Variants in CTDSPL observed in about 807,000 individuals in gnomAD.
The protein encoded by CTDSPL is CTD small phosphatase like.
A neutral mutation model predicts 30.5 loss-of-function variants in CTDSPL; 8 were observed. The ratio of observed to expected loss-of-function variants is 0.26; its 90% CI spans 0.15 to 0.47. CTDSPL has a LOEUF of 0.47. Among genes scored for constraint, CTDSPL ranks in the 20% least tolerant of loss-of-function variants. CTDSPL has a pLI of 0.99. For synonymous variants in CTDSPL, 110 were observed against 137.9 expected (o/e 0.80, Z 1.42); for missense variants, 248 against 366.1 (o/e 0.68, Z 2.63).
At chr3:37,880,361 A>G (rs953935699) in intron 1 of CTDSPL, among the ~76,000 whole-genome samples, 15 of 149,348 alleles carry the variant, frequency 1.0e-4, no homozygotes, top group Non-Finnish European at 2.9e-5. Context: ...AAGCCCTTTC[A>G]TAGTATTTGG....
chr3:37,905,074 G>A (rs1190263479), intron 1 of CTDSPL, among the ~76,000 whole-genome samples: 1 of 151,976 alleles, frequency 6.6e-6, no homozygotes, highest in Admixed American at 6.6e-5. Flanking sequence ...TCAAACACGG[G>A]GACTCAGAAA....
At chr3:37,872,276 A>T (rs145910063) in intron 1 of CTDSPL, among the ~76,000 whole-genome samples, 145 of 152,216 alleles carry the variant, frequency 9.5e-4, no homozygotes, top group African/African-American at 3.3e-3. Context: ...TAAAATCTTT[A>T]TCAGATAAGT....
At chr3:37,951,110 G>A (rs914460494) in intron 2 of CTDSPL, among the ~76,000 whole-genome samples, 4 of 152,144 alleles carry the variant, frequency 2.6e-5, no homozygotes, top group African/African-American at 9.7e-5. Flanking sequence ...GCTCATTCCC[G>A]TAATCCCAGC....
chr3:37,936,476 T>C (rs1698916748), intron 1 of CTDSPL, among the ~76,000 whole-genome samples: 1 of 152,062 alleles, frequency 6.6e-6, no homozygotes, highest in Non-Finnish European at 1.5e-5. Flanking sequence ...GACCACTCTT[T>C]CAGGGTGGGA....
rs182572443 is a variant in CTDSPL at position 37,870,270 on chromosome 3, T to C, written c.79+7992T>C. 4.3e-3 allele frequency among the ~76,000 whole-genome samples: 650 copies of C among 152,230 alleles called. 23 individuals carry two copies. The South Asian group carries it at 0.077, about 18-fold the overall frequency. ...AGCTATTTAAATTATCTCTTTCAGA[T>C]TGGGCAACTTGGGTAGTTTTTTGTT... On this transcript the variant is annotated intron_variant, in intron 1 of 7. Transcript: ENST00000273179.
chr3:37,970,303 C>G (rs1699352438), intron 5 of CTDSPL, among the ~76,000 whole-genome samples: 1 of 152,174 alleles, frequency 6.6e-6, no homozygotes, highest in Non-Finnish European at 1.5e-5. Context: ...TAATTTATCC[C>G]TCTACTACAA....
At chr3:37,959,929 C>T (rs139346910) in intron 3 of CTDSPL, among the ~76,000 whole-genome samples, 5 of 152,278 alleles carry the variant, frequency 3.3e-5, no homozygotes, top group Admixed American at 1.3e-4. Context: ...TCAGGCCAGG[C>T]GCAGTGGCTC....
In CTDSPL at chr3:37,967,759, C is replaced by T. The variant is rs565843010; in HGVS notation, c.370-67C>T. ...AACATTGGTCTAGGCAGGCTTTTTT[C>T]TTGCTAAAATTTCCAGAGTTTTTTT... is the stretch of plus-strand genomic sequence containing the variant. On this transcript the variant is annotated intron_variant, in intron 4 of 7. Transcript: ENST00000273179. 5.8e-6 allele frequency: 7 copies of T among 1,209,848 alleles called. No homozygotes were observed. In the African/African-American group the frequency reaches 9.3e-5, roughly 16 times the overall value. The allele number at this position is 1,209,848 out of a possible 1,614,324, so 74.9% of individuals were successfully genotyped here. A position where few individuals can be genotyped will look rare whatever the true frequency, so the allele number is the denominator to read the frequency against.
intron 6 of CTDSPL, among the ~76,000 whole-genome samples, chr3:37,971,722 T>A (rs1290863936): frequency 2.0e-5 from 3 of 152,202 alleles, no homozygotes; most frequent in South Asian, 4.1e-4. Flanking sequence ...AAATGCTCCA[T>A]GAAGTTGCTG....
rs976602199 is a variant in CTDSPL at position 37,862,006 on chromosome 3, AGCG to A, written c.-180_-178del. 9.7e-5 allele frequency: 14 copies of A among 144,588 alleles called. No homozygotes were observed. The highest frequency in any genetic ancestry group is 7.9e-4 in the South Asian group (4 of 5,070). 9.0% of individuals were successfully genotyped at this position (144,588 alleles called of 1,614,324 possible). A position where few individuals can be genotyped will look rare whatever the true frequency, so the allele number is the denominator to read the frequency against. Reference sequence around the variant, plus strand: ...GACGAGGCGGCGGCCGCTCGAGCCCAGCGGCGGCGGCGGCGGGAGCTGGGGCGC... The same window carrying A: ...GACGAGGCGGCGGCCGCTCGAGCCCAGCGGCGGCGGCGGGAGCTGGGGCGC... On this transcript the variant is annotated 5_prime_UTR_variant, in exon 1 of 8. Transcript: ENST00000273179. This position sits in a 1 kb window ranked among gnomAD's most constrained non-coding sequence, Gnocchi z 4.3.
chr3:37,906,292 C>T (rs1207829015), intron 1 of CTDSPL, among the ~76,000 whole-genome samples: 1 of 152,212 alleles, frequency 6.6e-6, no homozygotes, highest in East Asian at 1.9e-4. Context: ...GCCTTCTCCA[C>T]AGGGCGCTCT....
chr3:37,949,112 G>C (rs1042419382), intron 2 of CTDSPL, among the ~76,000 whole-genome samples: 2 of 152,166 alleles, frequency 1.3e-5, no homozygotes, highest in African/African-American at 4.8e-5. Flanking sequence ...GAGCCACCGC[G>C]CCCGGCCATT....
intron 1 of CTDSPL, among the ~76,000 whole-genome samples, chr3:37,938,982 T>C (rs1473550380): frequency 6.7e-6 from 1 of 150,246 alleles, no homozygotes; most frequent in Non-Finnish European, 1.5e-5. Context: ...ATTACTGTTA[T>C]TATTATACAG....
intron 1 of CTDSPL, among the ~76,000 whole-genome samples, chr3:37,946,680 A>G (rs1699042817): frequency 6.6e-6 from 1 of 152,170 alleles, no homozygotes; most frequent in Admixed American, 6.5e-5. Context: ...TTTGTGCCTG[A>G]GAAGATGTTT....
At chr3:37,936,848 G>C (rs1395919615) in intron 1 of CTDSPL, among the ~76,000 whole-genome samples, 1 of 152,068 alleles carries the variant, frequency 6.6e-6, no homozygotes, top group African/African-American at 2.4e-5. Flanking sequence ...CTGATGCTTG[G>C]TACAGAGCAT....
At chr3:37,960,292 C>G (rs975169517) in intron 3 of CTDSPL, among the ~76,000 whole-genome samples, 29 of 151,482 alleles carry the variant, frequency 1.9e-4, no homozygotes, top group Admixed American at 8.6e-4. Flanking sequence ...ACCAGCCTGA[C>G]CAACTTGGAG....
chr3:37,970,918 C>A (rs934023375), intron 5 of CTDSPL, among the ~76,000 whole-genome samples: 2 of 152,156 alleles, frequency 1.3e-5, no homozygotes, highest in Non-Finnish European at 2.9e-5. Flanking sequence ...CCAGACCTTC[C>A]TAGTAAGGGG....
At chr3:37,897,417 C>G (rs1698401758) in intron 1 of CTDSPL, among the ~76,000 whole-genome samples, 4 of 152,124 alleles carry the variant, frequency 2.6e-5, no homozygotes, top group East Asian at 3.8e-4. Context: ...TAAAATGATA[C>G]TCTTCACAGA....
intron 1 of CTDSPL, among the ~76,000 whole-genome samples, chr3:37,897,293 G>A (rs1213393783): frequency 6.6e-6 from 1 of 152,032 alleles, no homozygotes; most frequent in Non-Finnish European, 1.5e-5. Context: ...AGCTAGATGG[G>A]GGCTATAGGG....
Sources: gnomAD v4.1 joint callset for allele counts (sites outside exome capture counted in the v4.1 genomes callset) on GRCh38, gnomAD v4.1.1 for gene constraint, Gnocchi (gnomAD v3.1) non-coding constraint, MANE v1.5 for transcripts, NCBI Gene and HGNC (gene_info 2026-07-23, HGNC 2026-07-21) for gene names.